COL13A1: variants seen among roughly 807,000 people sequenced by gnomAD.
The protein encoded by COL13A1 is collagen alpha-1(XIII) chain.
A neutral mutation model predicts 130.9 loss-of-function variants in COL13A1; 89 were observed. That is an observed-to-expected ratio of 0.68 (90% confidence interval 0.57 to 0.81). COL13A1 has a LOEUF of 0.81. COL13A1 is among the 30% of genes least tolerant of loss of function. The pLI is 0.00. For missense variants in COL13A1, 879 were observed against 934.6 expected, an observed-to-expected ratio of 0.94 and a Z score of 0.78; for synonymous variants, 402 against 341.6, an observed-to-expected ratio of 1.18 and a Z score of -1.95.
intron 36 of COL13A1, among the ~76,000 whole-genome samples, chr10:69,944,461 GC>G (rs370082542): frequency 4.5e-4 from 69 of 152,228 alleles, no homozygotes; most frequent in African/African-American, 1.6e-3. Context: ...TCTGAGACCA[GC>G]CTGGACAACA....
At chr10:69,810,347 T>TGAGAGAGAGAGAGAGAGAGAGAGAGAGA (rs55816117) in intron 1 of COL13A1, among the ~76,000 whole-genome samples, 25 of 119,786 alleles carry the variant, frequency 2.1e-4, no homozygotes, top group South Asian at 5.4e-4. Flanking sequence ...GCCCTGAGAA[T>TGAGAGAGAGAGAGAGAGAGAGAGAGAGA]GAGAGAGAGA....
intron 25 of COL13A1, among the ~76,000 whole-genome samples, 167 bp from the exon 26 acceptor site, chr10:69,925,637 C>T (rs916873537): frequency 6.6e-5 from 10 of 152,212 alleles, no homozygotes; most frequent in Non-Finnish European, 1.3e-4. Context: ...CTGCAATCCC[C>T]GAGCATCCTC....
At chr10:69,946,250 G>A (rs1357223097) in intron 37 of COL13A1, among the ~76,000 whole-genome samples, 1 of 152,240 alleles carries the variant, frequency 6.6e-6, no homozygotes, top group Non-Finnish European at 1.5e-5. Flanking sequence ...CCTCTGCCAT[G>A]GGGACCCTGT....
intron 2 of COL13A1, among the ~76,000 whole-genome samples, chr10:69,863,546 C>T (rs1858837985): frequency 6.6e-6 from 1 of 152,126 alleles, no homozygotes; most frequent in Admixed American, 6.5e-5. Context: ...AACTTGGGAG[C>T]ACCCTGCCAC....
intron 34 of COL13A1, among the ~76,000 whole-genome samples, chr10:69,938,696 G>T (rs975244511): frequency 6.6e-6 from 1 of 152,194 alleles, no homozygotes; most frequent in African/African-American, 2.4e-5. Flanking sequence ...GAGCTTGAAG[G>T]CCTGGTTAAT....
chr10:69,886,668 C>T (rs1017405719), intron 7 of COL13A1, among the ~76,000 whole-genome samples: 1 of 152,132 alleles, frequency 6.6e-6, no homozygotes, highest in African/African-American at 2.4e-5. Context: ...CGTTTCTTAG[C>T]TCTCCATCAC....
intron 6 of COL13A1, among the ~76,000 whole-genome samples, chr10:69,878,419 GA>G (rs1260238362): frequency 3.3e-5 from 5 of 152,154 alleles, no homozygotes; most frequent in African/African-American, 1.2e-4. Flanking sequence ...TGGGAAGTCA[GA>G]AATCCAGAAG....
rs1840172609 is a variant in COL13A1, at chr10:69,802,131, G to A, written c.-293G>A. 1 of 365,658 alleles carries A rather than the reference G, an allele frequency of 2.7e-6. No individual in the cohort carries two copies. Among genetic ancestry groups the A allele is most frequent in the Non-Finnish European group, 4.8e-6 (1 of 206,760 alleles). 22.7% of individuals were successfully genotyped at this position (365,658 alleles called of 1,614,324 possible). ...AGACACTTGAAGGGAAAGACTGGGC[G>A]GAGAGAAGGAGAGCCGGTCAGATTC... On this transcript the variant is annotated 5_prime_UTR_variant, in exon 1 of 41. Transcript: ENST00000645393.
intron 10 of COL13A1, among the ~76,000 whole-genome samples, chr10:69,892,076 A>G (rs749088781): frequency 6.6e-6 from 1 of 152,180 alleles, no homozygotes; most frequent in Non-Finnish European, 1.5e-5. Context: ...GAGCTAACTC[A>G]ACAGAAAAGG....
Position 69,944,063 on chromosome 10 carries a change from G to A in COL13A1, c.1915-62G>A. ...CCTTGCTCATCTCTAGGCATCAGGTGGGGCACCCAGGGCTCCCCAGAGTGT... is the reference window on the plus strand; with the variant it reads ...CCTTGCTCATCTCTAGGCATCAGGTAGGGCACCCAGGGCTCCCCAGAGTGT... On this transcript the variant is annotated intron_variant, in intron 35 of 40. Coordinates refer to ENST00000645393, the MANE Select transcript of COL13A1 (RefSeq NM_001368882.1). 4 of 1,422,406 alleles carry A rather than the reference G, an allele frequency of 2.8e-6. No individual in the cohort carries two copies. In the South Asian group the frequency reaches 4.7e-5, roughly 17 times the overall value. 88.1% of individuals were successfully genotyped at this position (1,422,406 alleles called of 1,614,324 possible).
chr10:69,866,333 C>A (rs1463572744), intron 2 of COL13A1, among the ~76,000 whole-genome samples: 3 of 152,140 alleles, frequency 2.0e-5, no homozygotes, highest in African/African-American at 4.8e-5. Context: ...GGAGCCAGGG[C>A]CCCGTCAGGC....
At chr10:69,807,458 G>A (rs1420622880) in intron 1 of COL13A1, among the ~76,000 whole-genome samples, 6 of 152,166 alleles carry the variant, frequency 3.9e-5, no homozygotes, top group Admixed American at 1.3e-4. Flanking sequence ...ATGTTTATAC[G>A]GTGTGTGATT....
intron 24 of COL13A1, among the ~76,000 whole-genome samples, chr10:69,924,464 C>T (rs1281864349): frequency 6.6e-6 from 1 of 152,054 alleles, no homozygotes; most frequent in Non-Finnish European, 1.5e-5. Flanking sequence ...TGCTCATACA[C>T]CCATGTCCTC....
At chr10:69,809,098 T>A (rs1842320005) in intron 1 of COL13A1, among the ~76,000 whole-genome samples, 1 of 152,096 alleles carries the variant, frequency 6.6e-6, no homozygotes, top group Non-Finnish European at 1.5e-5. Context: ...CTTTACAGAG[T>A]CGGGGGGTGG....
chr10:69,947,305 A>C lies in COL13A1; in HGVS notation c.2023-2A>C, dbSNP rs1298464699. 7 of 1,613,346 alleles carry C rather than the reference A, an allele frequency of 4.3e-6. No individual in the cohort carries two copies. Among genetic ancestry groups the C allele is most frequent in the East Asian group, 2.2e-5 (1 of 44,848 alleles). ...TGCCTTTCTTCCTCTGATCTCTTGCAGGGTTTACATGGACCACCCGGGGAC... is the reference window on the plus strand; with the variant it reads ...TGCCTTTCTTCCTCTGATCTCTTGCCGGGTTTACATGGACCACCCGGGGAC... On this transcript the variant is annotated splice_acceptor_variant, in intron 37 of 40. Coordinates refer to ENST00000645393, the MANE Select transcript of COL13A1 (RefSeq NM_001368882.1). LOFTEE classifies it high-confidence loss of function.
At chr10:69,887,334 T>C in intron 7 of COL13A1, 122 bp from the exon 8 acceptor site, 1 of 951,504 alleles carries the variant, frequency 1.1e-6, no homozygotes, top group Non-Finnish European at 1.6e-6. Flanking sequence ...CCACAGTGAG[T>C]GTCCCCCAAG....
rs1464678718 is a variant in COL13A1 at position 69,928,958 on chromosome 10, C to A, written c.1444C>A (p.Gln482Lys). The stretch of plus-strand genomic sequence containing the variant: ...CTAGGGGCCTCCTGGTCTTCCTGGG[C>A]AAATTGGCCCACCTGGAGCTCCAGG... ...ALMGPPGLPGQIGPPGAPGIP... is the reference protein window; with the variant it reads ...ALMGPPGLPGKIGPPGAPGIP... The change falls in exon 28 of 41, where the codon CAA (glutamine) becomes AAA (lysine). Residue 482 changes from glutamine to lysine, a missense_variant. Transcript: ENST00000645393. 7.4e-6 allele frequency: 12 copies of A among 1,613,478 alleles called. No individual in the cohort carries two copies. Among genetic ancestry groups the A allele is most frequent in the East Asian group, 2.2e-5 (1 of 44,874 alleles).
At chr10:69,831,607 G>A (rs1173731802) in intron 2 of COL13A1, among the ~76,000 whole-genome samples, 1 of 152,208 alleles carries the variant, frequency 6.6e-6, no homozygotes, top group Non-Finnish European at 1.5e-5. Flanking sequence ...GACTCGAGGT[G>A]ATAGGGAGAT....
At chr10:69,863,639 C>T (rs1174038279) in intron 2 of COL13A1, among the ~76,000 whole-genome samples, 1 of 152,132 alleles carries the variant, frequency 6.6e-6, no homozygotes, top group African/African-American at 2.4e-5. Context: ...AGGGGACTTA[C>T]CTGACCACTT....
Sources: gnomAD v4.1 joint callset for allele counts (sites outside exome capture counted in the v4.1 genomes callset) on GRCh38, gnomAD v4.1.1 for gene constraint, MANE v1.5 for transcripts, NCBI Gene and HGNC (gene_info 2026-07-23, HGNC 2026-07-21) for gene names.